Variants in ZNF536 observed in about 807,000 individuals in gnomAD.
The protein encoded by ZNF536 is zinc finger protein 536.
A neutral mutation model predicts 84.5 loss-of-function variants in ZNF536; 13 were observed. That is an observed-to-expected ratio of 0.15 (90% CI 0.10 to 0.24). The LOEUF (loss-of-function observed/expected upper bound fraction) is 0.24. Among genes scored for constraint, ZNF536 ranks in the 10% least tolerant of loss-of-function variants. The pLI, the probability that ZNF536 is intolerant of heterozygous loss-of-function variation, is 1.00. For missense variants in ZNF536, 1,536 were observed against 1,747.5 expected (o/e 0.88, Z 2.16); for synonymous variants, 811 against 742.5 (o/e 1.09, Z -1.50).
chr19:30,602,917 A>C (rs2047740340), intron 1 of ZNF536, among the ~76,000 whole-genome samples: 1 of 152,204 alleles, frequency 6.6e-6, no homozygotes, highest in Admixed American at 6.5e-5. Context: ...AAATCTTTAC[A>C]GTGGATGGAA....
intron 1 of ZNF536, among the ~76,000 whole-genome samples, chr19:30,415,586 A>G (rs975591430): frequency 1.3e-4 from 16 of 123,754 alleles, no homozygotes. Context: ...GATCATCATC[A>G]TCGTCATCGT....
chr19:30,324,316 A>T (rs1046029219), intron 2 of ZNF536, among the ~76,000 whole-genome samples: 8 of 152,174 alleles, frequency 5.3e-5, no homozygotes, highest in African/African-American at 1.9e-4. Context: ...CCATCTATCT[A>T]TCCATCCATT....
intron 2 of ZNF536, among the ~76,000 whole-genome samples, chr19:30,449,029 C>T (rs1242015109): frequency 6.6e-6 from 1 of 152,168 alleles, no homozygotes; most frequent in African/African-American, 2.4e-5. Context: ...TGTTCTTTGG[C>T]TCTCCAAACT....
chr19:30,276,772 G>A (rs1011393773), intron 1 of ZNF536, among the ~76,000 whole-genome samples: 2 of 151,820 alleles, frequency 1.3e-5, no homozygotes, highest in African/African-American at 2.4e-5. Flanking sequence ...AAATTCCGGC[G>A]AACATTAAGC....
intron 1 of ZNF536, among the ~76,000 whole-genome samples, chr19:30,566,483 G>C (rs530393993): frequency 6.6e-6 from 1 of 152,354 alleles, no homozygotes; most frequent in African/African-American, 2.4e-5. Context: ...AAAACCCAAG[G>C]ATGTGGATGG....
intron 1 of ZNF536, among the ~76,000 whole-genome samples, chr19:30,593,154 C>G (rs977024500): frequency 5.3e-5 from 8 of 152,160 alleles, no homozygotes; most frequent in African/African-American, 1.9e-4. Context: ...GGAGGCCTAC[C>G]TCGCTCCGGC....
intron 2 of ZNF536, among the ~76,000 whole-genome samples, chr19:30,317,317 G>A (rs768937890): frequency 3.3e-5 from 5 of 152,156 alleles, no homozygotes; most frequent in African/African-American, 1.2e-4. Flanking sequence ...GTCAGAGCAG[G>A]GACATATTCT....
chr19:30,666,864 A>T (rs1449870357), intron 1 of ZNF536, among the ~76,000 whole-genome samples: 1 of 151,380 alleles, frequency 6.6e-6, no homozygotes, highest in Admixed American at 6.6e-5. Context: ...GTATGTATGT[A>T]TGCATATTTT....
At chr19:30,602,506 A>G (rs2047725418) in intron 1 of ZNF536, among the ~76,000 whole-genome samples, 1 of 152,208 alleles carries the variant, frequency 6.6e-6, no homozygotes, top group Admixed American at 6.5e-5. Context: ...CCCAAAAGTC[A>G]TAACTGGATG....
chr19:30,453,585 G>A (rs1382073981), intron 2 of ZNF536, among the ~76,000 whole-genome samples: 1 of 152,152 alleles, frequency 6.6e-6, no homozygotes, highest in Non-Finnish European at 1.5e-5. Flanking sequence ...TGTGAGACAG[G>A]ATCTAGAACT....
At chr19:30,334,747 T>C (rs2047325629) in intron 2 of ZNF536, among the ~76,000 whole-genome samples, 1 of 152,178 alleles carries the variant, frequency 6.6e-6, no homozygotes, top group Non-Finnish European at 1.5e-5. Flanking sequence ...TTTCCAACCA[T>C]TTTGGCACCG....
In ZNF536 at chr19:30,439,436, T is replaced by G. The variant is rs145243656; in HGVS notation, c.-2-4125T>G. ...GAAATTGGGGCCGACCCAGGTTTTG[T>G]GAGTCCCAGGCCGGGCCTGGGGCCA... On this transcript the variant is annotated intron_variant, in intron 1 of 4. Transcript: ENST00000355537. Among the ~76,000 whole-genome samples, 4 of 152,292 alleles carry G rather than the reference T, an allele frequency of 2.6e-5. No individual in the cohort carries two copies. In the East Asian group the frequency reaches 5.8e-4, roughly 22 times the overall value.
intron 1 of ZNF536, among the ~76,000 whole-genome samples, chr19:30,257,884 A>G (rs2024993980): frequency 6.6e-6 from 1 of 152,190 alleles, no homozygotes; most frequent in African/African-American, 2.4e-5. Flanking sequence ...AGAACACTGA[A>G]GTTAAGTGAA....
At chr19:30,304,646 G>A (rs2046292882) in intron 2 of ZNF536, among the ~76,000 whole-genome samples, 1 of 152,206 alleles carries the variant, frequency 6.6e-6, no homozygotes, top group African/African-American at 2.4e-5. Context: ...GGGGCCAGCA[G>A]GTGAGGTGAC....
At chr19:30,498,836 C>T (rs2054828496) in intron 2 of ZNF536, among the ~76,000 whole-genome samples, 1 of 152,062 alleles carries the variant, frequency 6.6e-6, no homozygotes, top group Non-Finnish European at 1.5e-5. Context: ...AGGTCTGAGG[C>T]TGCAGTCCTC....
chr19:30,253,036 C>A lies in ZNF536; in HGVS notation c.-190+24363C>A, dbSNP rs1203375326. Reference sequence around the variant, plus strand: ...GTAGCGAGGTGAAAAGATTTGGAATCAGTTTCTGAAGTGGGCACCCACAAT... The same window carrying A: ...GTAGCGAGGTGAAAAGATTTGGAATAAGTTTCTGAAGTGGGCACCCACAAT... On this transcript the variant is annotated intron_variant, in intron 1 of 5. Coordinates refer to the ZNF536 transcript ENST00000585628. 2.6e-5 allele frequency among the ~76,000 whole-genome samples: 4 copies of A among 152,280 alleles called. No homozygotes were observed. In the East Asian group the frequency reaches 7.7e-4, roughly 29 times the overall value.
At chr19:30,325,744 C>T (rs1469309799) in intron 2 of ZNF536, among the ~76,000 whole-genome samples, 2 of 152,218 alleles carry the variant, frequency 1.3e-5, no homozygotes, top group Non-Finnish European at 2.9e-5. Flanking sequence ...GTGGCCCTGA[C>T]ACCAAATCCT....
rs138526306 is a variant in ZNF536 at position 30,608,485 on chromosome 19, G to A, written c.169+58971G>A. On this transcript the variant is annotated intron_variant, in intron 1 of 1. Transcript: ENST00000592773. ...TGGACACGAATCCACCAGAACTTTA[G>A]CCTGGACTGGCCAGGGCTAATCCTA... Among the ~76,000 whole-genome samples the A allele has an allele frequency of 1.9e-3, 288 of 152,276 alleles. 1 individual carries two copies. The highest frequency in any genetic ancestry group is 6.5e-3 in the African/African-American group (269 of 41,548).
At chr19:30,243,290 A>C (rs539720422) in intron 1 of ZNF536, among the ~76,000 whole-genome samples, 1 of 152,308 alleles carries the variant, frequency 6.6e-6, no homozygotes, top group Non-Finnish European at 1.5e-5. Context: ...TTTTAAAGTA[A>C]GCTATATAAA....
Sources: gnomAD v4.1 joint callset for allele counts (sites outside exome capture counted in the v4.1 genomes callset) on GRCh38, gnomAD v4.1.1 for gene constraint, MANE v1.5 for transcripts, NCBI Gene and HGNC (gene_info 2026-07-23, HGNC 2026-07-21) for gene names.